The following PTPRN2 variants were observed in gnomAD, a reference collection of about 807,000 sequenced individuals.
The protein encoded by PTPRN2 is receptor-type tyrosine-protein phosphatase N2.
Under a neutral mutation model 118.8 loss-of-function variants are expected in PTPRN2, and 74 were observed. The observed-to-expected ratio is 0.62, with a 90% CI of 0.52 to 0.76. The LOEUF is 0.76. PTPRN2 is among the 30% of genes least tolerant of loss of function. PTPRN2 has a pLI of 0.00. For missense variants in PTPRN2, 1,481 were observed against 1,394.4 expected (o/e 1.06, Z -0.99); for synonymous variants, 641 against 608.0 (o/e 1.05, Z -0.80).
intron 12 of PTPRN2, among the ~76,000 whole-genome samples, chr7:157,705,080 C>T (rs530323858): frequency 1.6e-4 from 24 of 152,204 alleles, no homozygotes; most frequent in Admixed American, 5.2e-4. Flanking sequence ...GCCCAGGGGG[C>T]GGATCACGAG....
intron 12 of PTPRN2, among the ~76,000 whole-genome samples, chr7:157,709,815 T>G (rs1446275216): frequency 6.6e-6 from 1 of 152,200 alleles, no homozygotes; most frequent in East Asian, 1.9e-4. Flanking sequence ...AGTCGGATAT[T>G]CTGGGGAGCT....
chr7:158,587,379 C>T (rs1288485060), intron 1 of PTPRN2, among the ~76,000 whole-genome samples, 179 bp downstream of exon 1: 25 of 119,326 alleles, frequency 2.1e-4, no homozygotes, highest in South Asian at 6.7e-4. Flanking sequence ...GGCGCCCCTC[C>T]CCGCAACCCC....
At chr7:157,834,447 T>C (rs1305044859) in intron 12 of PTPRN2, among the ~76,000 whole-genome samples, 29 of 90,454 alleles carry the variant, frequency 3.2e-4, no homozygotes, top group African/African-American at 1.5e-3. Context: ...CTGTGATCAA[T>C]CCATCAATTC....
In PTPRN2 at chr7:157,843,125, A is replaced by G. The variant is rs74423265; in HGVS notation, c.1788+55548T>C. Among the ~76,000 whole-genome samples the G allele has an allele frequency of 9.4e-3, 1,425 of 152,342 alleles. 22 individuals carry two copies. The highest frequency in any genetic ancestry group is 0.031 in the African/African-American group (1,304 of 41,580). On this transcript the variant is annotated intron_variant, in intron 12 of 22. Coordinates refer to ENST00000389418, the MANE Select transcript of PTPRN2 (RefSeq NM_002847.5). The stretch of plus-strand genomic sequence containing the variant: ...TCCCAAGTCCACACCAATACTTTAC[A>G]CAGAAAATTAAACTCTCTCTGTTTA...
chr7:158,032,879 C>T (rs185714168), intron 11 of PTPRN2, among the ~76,000 whole-genome samples: 20 of 152,232 alleles, frequency 1.3e-4, no homozygotes, highest in African/African-American at 2.6e-4. Flanking sequence ...TGCTGCACCA[C>T]GCTGGGAGAG....
intron 14 of PTPRN2, among the ~76,000 whole-genome samples, chr7:157,635,216 T>C (rs1804238290): frequency 6.6e-6 from 1 of 152,266 alleles, no homozygotes; most frequent in African/African-American, 2.4e-5. Flanking sequence ...GTCTCTAACG[T>C]CTGACATAGC....
chr7:158,052,494 T>C (rs993569929), intron 11 of PTPRN2, among the ~76,000 whole-genome samples: 1 of 152,198 alleles, frequency 6.6e-6, no homozygotes, highest in Admixed American at 6.5e-5. Flanking sequence ...CCCAGCCTCC[T>C]GGGGAAGCCC....
At chr7:157,979,858 C>T (rs1803006596) in intron 11 of PTPRN2, among the ~76,000 whole-genome samples, 1 of 152,190 alleles carries the variant, frequency 6.6e-6, no homozygotes, top group African/African-American at 2.4e-5. Context: ...CCCAGGCCAG[C>T]AAGCCAACCA....
intron 3 of PTPRN2, among the ~76,000 whole-genome samples, chr7:158,287,079 A>G (rs948605507): frequency 6.6e-6 from 1 of 152,096 alleles, no homozygotes; most frequent in African/African-American, 2.4e-5. Context: ...CTTGGTAGGT[A>G]TCATATGCTT....
At chr7:158,569,380 T>C (rs1188801122) in intron 1 of PTPRN2, among the ~76,000 whole-genome samples, 4 of 152,200 alleles carry the variant, frequency 2.6e-5, no homozygotes, top group South Asian at 2.1e-4. Flanking sequence ...AAAGATCACG[T>C]GGGCCTCACA....
At chr7:157,862,664 C>T (rs576012839) in intron 12 of PTPRN2, 15 of 152,380 alleles carry the variant, frequency 9.8e-5, no homozygotes, top group African/African-American at 3.6e-4. Context: ...AAATTATTTC[C>T]AGTGCTGAGC....
At chr7:158,075,462 G>A (rs1165630716) in intron 11 of PTPRN2, among the ~76,000 whole-genome samples, 1 of 152,076 alleles carries the variant, frequency 6.6e-6, no homozygotes, top group East Asian at 1.9e-4. Flanking sequence ...CTGGACACAA[G>A]CTGGGGCTGG....
At chr7:157,600,174 C>T (rs1426357287) in intron 16 of PTPRN2, among the ~76,000 whole-genome samples, 3 of 109,818 alleles carry the variant, frequency 2.7e-5, no homozygotes, top group Admixed American at 9.0e-5. Context: ...TCCACCTGCC[C>T]ACCTCTCCAC....
At chr7:157,624,106 GCCCA>G (rs1803425330) in intron 14 of PTPRN2, among the ~76,000 whole-genome samples, 1 of 152,062 alleles carries the variant, frequency 6.6e-6, no homozygotes, top group Admixed American at 6.5e-5. Flanking sequence ...ATGGGTTATG[GCCCA>G]AGAACTTCTT....
chr7:157,944,728 G>A lies in PTPRN2; in HGVS notation c.1724-45991C>T, dbSNP rs570798014. Reference sequence around the variant, plus strand: ...AGTGACCACTGTCCAGCAGGTCCACGTGCATGGATGAGAGCTGTGCCCCTC... The same window carrying A: ...AGTGACCACTGTCCAGCAGGTCCACATGCATGGATGAGAGCTGTGCCCCTC... On this transcript the variant is annotated intron_variant, in intron 11 of 22. Coordinates refer to ENST00000389418, the MANE Select transcript of PTPRN2 (RefSeq NM_002847.5). The surrounding 1 kb of genome is among the most constrained non-coding windows in gnomAD (Gnocchi z 4.3). Among the ~76,000 whole-genome samples, 4 of 152,334 alleles carry A rather than the reference G, an allele frequency of 2.6e-5. No individual in the cohort carries two copies. Among genetic ancestry groups the A allele is most frequent in the East Asian group, 3.9e-4 (2 of 5,174 alleles).
At chr7:157,756,890 G>A (rs13437790) in intron 12 of PTPRN2, among the ~76,000 whole-genome samples, 1 of 152,070 alleles carries the variant, frequency 6.6e-6, no homozygotes, top group Non-Finnish European at 1.5e-5. Flanking sequence ...AGGGTTGTGC[G>A]GATGGGAGCG....
intron 6 of PTPRN2, among the ~76,000 whole-genome samples, chr7:158,146,657 C>G (rs1376206928): frequency 1.4e-5 from 2 of 146,752 alleles, no homozygotes; most frequent in African/African-American, 2.6e-5. Context: ...GGAGGCGGAG[C>G]TAGTAGTGAG....
chr7:157,557,237 A>G (rs1798944557), intron 21 of PTPRN2, among the ~76,000 whole-genome samples: 1 of 151,708 alleles, frequency 6.6e-6, no homozygotes, highest in South Asian at 2.1e-4. Context: ...ATGCACACAC[A>G]CACACAGGCA....
intron 12 of PTPRN2, among the ~76,000 whole-genome samples, chr7:157,877,739 A>AG (rs1795865492): frequency 6.6e-6 from 1 of 152,208 alleles, no homozygotes; most frequent in Non-Finnish European, 1.5e-5. Flanking sequence ...GCCAGGTCTC[A>AG]GGAACAGGCA....
Sources: gnomAD v4.1 joint callset for allele counts (sites outside exome capture counted in the v4.1 genomes callset) on GRCh38, gnomAD v4.1.1 for gene constraint, Gnocchi (gnomAD v3.1) non-coding constraint, MANE v1.5 for transcripts, NCBI Gene and HGNC (gene_info 2026-07-23, HGNC 2026-07-21) for gene names.